Variants in SLC9C1 observed in about 807,000 individuals in gnomAD.
The protein encoded by SLC9C1 is sodium/hydrogen exchanger 10.
A neutral mutation model predicts 140.9 loss-of-function variants in SLC9C1; 97 were observed. The ratio of observed to expected loss-of-function variants is 0.69; its 90% confidence interval spans 0.58 to 0.82. The LOEUF (loss-of-function observed/expected upper bound fraction) is 0.82. SLC9C1 is among the 40% of genes least tolerant of loss of function. SLC9C1 has a pLI of 0.00. For missense variants in SLC9C1, 1,340 were observed against 1,389.3 expected, an observed-to-expected ratio of 0.96 and a Z score of 0.56; for synonymous variants, 440 against 442.6, an observed-to-expected ratio of 0.99 and a Z score of 0.07.
intron 20 of SLC9C1, among the ~76,000 whole-genome samples, chr3:112,189,519 T>A (rs1264772289): frequency 1.3e-5 from 2 of 152,226 alleles, no homozygotes; most frequent in Non-Finnish European, 2.9e-5. Context: ...TTCTCAGGTT[T>A]GTCAAAGATC....
At chr3:112,287,888 A>G (rs2080557518) in intron 1 of SLC9C1, among the ~76,000 whole-genome samples, 2 of 151,912 alleles carry the variant, frequency 1.3e-5, no homozygotes, top group African/African-American at 4.8e-5. Flanking sequence ...CTAAAAATAC[A>G]AAAAATTAGC....
At chr3:112,291,872 G>T (rs2080693502) in intron 1 of SLC9C1, among the ~76,000 whole-genome samples, 1 of 152,172 alleles carries the variant, frequency 6.6e-6, no homozygotes, top group African/African-American at 2.4e-5. Flanking sequence ...CAACCCAAAT[G>T]CCCATCAATG....
intron 15 of SLC9C1, among the ~76,000 whole-genome samples, chr3:112,215,428 T>G (rs569068595): frequency 5.9e-5 from 9 of 152,290 alleles, no homozygotes; most frequent in African/African-American, 2.2e-4. Flanking sequence ...TGTCCCTGTT[T>G]GCAGATGACA....
intron 27 of SLC9C1, among the ~76,000 whole-genome samples, chr3:112,153,792 GA>G (rs1364973896): frequency 6.6e-6 from 1 of 152,212 alleles, no homozygotes; most frequent in Non-Finnish European, 1.5e-5. Flanking sequence ...GTCAATTCCA[GA>G]AAGTCTCATA....
intron 15 of SLC9C1, among the ~76,000 whole-genome samples, chr3:112,214,161 A>G (rs946637069): frequency 9.2e-5 from 14 of 152,252 alleles, no homozygotes; most frequent in Admixed American, 3.3e-4. Flanking sequence ...TGAAACCAAT[A>G]AGAACAAAGA....
chr3:112,277,868 G>T lies in SLC9C1; in HGVS notation c.319-8C>A. Reference sequence around the variant, plus strand: ...AATTGAAATTAAAAGTATCTGCAAAGAAATTTTACAATTAGAAAAATCAGA... The same window carrying T: ...AATTGAAATTAAAAGTATCTGCAAATAAATTTTACAATTAGAAAAATCAGA... On this transcript the variant is annotated splice_polypyrimidine_tract_variant and splice_region_variant and intron_variant, in intron 4 of 28. Transcript: ENST00000305815. 2.5e-6 allele frequency: 4 copies of T among 1,588,426 alleles called. No individual in the cohort carries two copies. In the South Asian group the frequency reaches 3.5e-5, roughly 14 times the overall value.
intron 28 of SLC9C1, among the ~76,000 whole-genome samples, chr3:112,150,962 T>C (rs2074961682): frequency 7.3e-5 from 11 of 150,812 alleles, no homozygotes; most frequent in Admixed American, 7.3e-4. Flanking sequence ...CTCAGCCCCC[T>C]GAGTAGCTGG....
chr3:112,177,771 A>G (rs2077367491), intron 23 of SLC9C1, among the ~76,000 whole-genome samples: 2 of 149,092 alleles, frequency 1.3e-5, no homozygotes, highest in South Asian at 4.2e-4. Context: ...TGCCTCATAT[A>G]TTTTATTAAG....
At chr3:112,286,917 A>G (rs1277459495) in intron 1 of SLC9C1, 39 bp from the exon 2 acceptor site, 1 of 537,062 alleles carries the variant, frequency 1.9e-6, no homozygotes, top group Admixed American at 4.1e-5. Flanking sequence ...TGGCCTTCTA[A>G]TAATTTTCTA....
At chr3:112,206,658 C>G (rs2078059381) in intron 16 of SLC9C1, among the ~76,000 whole-genome samples, 1 of 152,070 alleles carries the variant, frequency 6.6e-6, no homozygotes, top group South Asian at 2.1e-4. Context: ...GAATACTACG[C>G]AGCCATAAAA....
chr3:112,220,341 C>T (rs566676185), intron 14 of SLC9C1, among the ~76,000 whole-genome samples: 1 of 152,286 alleles, frequency 6.6e-6, no homozygotes, highest in South Asian at 2.1e-4. Context: ...CAAGGTTGTA[C>T]ATGTGACTTA....
intron 2 of SLC9C1, among the ~76,000 whole-genome samples, chr3:112,281,933 T>G (rs2080368001): frequency 6.6e-6 from 1 of 152,178 alleles, no homozygotes; most frequent in South Asian, 2.1e-4. Context: ...TATGTAATGT[T>G]GAAGAAGAAG....
At chr3:112,180,790 C>T in intron 21 of SLC9C1, 128 bp from the exon 22 acceptor site, 1 of 715,148 alleles carries the variant, frequency 1.4e-6, no homozygotes, top group Non-Finnish European at 2.3e-6. Flanking sequence ...TACTGGAGTG[C>T]AGTGGTGCAA....
chr3:112,154,182 A>C (rs142753326), intron 27 of SLC9C1, among the ~76,000 whole-genome samples: 1 of 152,346 alleles, frequency 6.6e-6, no homozygotes, highest in East Asian at 1.9e-4. Context: ...ATACAATTTT[A>C]TGGCTTGTGT....
At position 112,264,656 on chromosome 3, in the gene SLC9C1, A is replaced by C. The variant is rs143787795; in HGVS notation, c.879-313T>G. On this transcript the variant is annotated intron_variant, in intron 8 of 28. Coordinates refer to ENST00000305815, the MANE Select transcript of SLC9C1 (RefSeq NM_183061.3). The stretch of plus-strand genomic sequence containing the variant: ...TTTAGGTACTAGAGGGCATATAGTG[A>C]AAAGATGGGAGATGGTACACCTTCT... 1.6e-3 allele frequency among the ~76,000 whole-genome samples: 239 copies of C among 152,080 alleles called. 1 individual carries two copies. The highest frequency in any genetic ancestry group is 5.1e-3 in the African/African-American group (212 of 41,552).
intron 28 of SLC9C1, among the ~76,000 whole-genome samples, chr3:112,149,723 G>A (rs1207795920): frequency 1.3e-5 from 2 of 152,150 alleles, no homozygotes; most frequent in African/African-American, 2.4e-5. Context: ...GTCCAGAAAG[G>A]GTTGCATGGC....
chr3:112,164,318 A>T (rs2075398798), intron 26 of SLC9C1, among the ~76,000 whole-genome samples: 1 of 143,502 alleles, frequency 7.0e-6, no homozygotes, highest in African/African-American at 2.7e-5. Context: ...TGTCATTATG[A>T]TGTTAGCTGG....
chr3:112,203,360 C>T (rs1466051341), intron 17 of SLC9C1, among the ~76,000 whole-genome samples: 1 of 152,038 alleles, frequency 6.6e-6, no homozygotes, highest in Non-Finnish European at 1.5e-5. Context: ...ACACTAGACT[C>T]GCCTTCCTCA....
chr3:112,219,109 C>T (rs1201075417), intron 14 of SLC9C1, among the ~76,000 whole-genome samples: 1 of 152,194 alleles, frequency 6.6e-6, no homozygotes, highest in Non-Finnish European at 1.5e-5. Context: ...CCTGGTATGA[C>T]ACTCAATAAA....
Sources: gnomAD v4.1 joint callset for allele counts (sites outside exome capture counted in the v4.1 genomes callset) on GRCh38, gnomAD v4.1.1 for gene constraint, MANE v1.5 for transcripts, NCBI Gene and HGNC (gene_info 2026-07-23, HGNC 2026-07-21) for gene names.